Variants in MYLK observed in about 807,000 individuals in gnomAD.
MYLK encodes myosin light chain kinase, smooth muscle.
Under a neutral mutation model 203.4 loss-of-function variants are expected in MYLK, and 106 were observed. The observed-to-expected ratio is 0.52, with a 90% CI of 0.45 to 0.61. The LOEUF is 0.61. MYLK is among the 20% of genes least tolerant of loss of function. The probability of loss-of-function intolerance (pLI) is 0.00; values close to 1 mark genes in which losing one functional copy is unlikely to be tolerated. For missense variants in MYLK, 2,072 were observed against 2,442.3 expected, an observed-to-expected ratio of 0.85 and a Z score of 3.20; for synonymous variants, 867 against 959.5, an observed-to-expected ratio of 0.90 and a Z score of 1.78.
At chr3:123,820,630 C>CCTTCCTTCCTTT (rs2065894773) in intron 3 of MYLK, among the ~76,000 whole-genome samples, 1 of 141,240 alleles carries the variant, frequency 7.1e-6, no homozygotes, top group Non-Finnish European at 1.6e-5. Flanking sequence ...TTCCTTCCTT[C>CCTTCCTTCCTTT]CTTCCTTCCT....
chr3:123,782,969 G>C (rs1193478580), intron 4 of MYLK, among the ~76,000 whole-genome samples: 2 of 152,172 alleles, frequency 1.3e-5, no homozygotes, highest in Non-Finnish European at 2.9e-5. Context: ...CACAGTGTTT[G>C]TTCTACTTTT....
At chr3:123,728,126 C>T (rs183003789) in intron 11 of MYLK, among the ~76,000 whole-genome samples, 92 of 152,302 alleles carry the variant, frequency 6.0e-4, no homozygotes, top group African/African-American at 2.2e-3. Flanking sequence ...AACAACAATA[C>T]TGGCAAAAAG....
intron 2 of MYLK, among the ~76,000 whole-genome samples, chr3:123,839,048 T>TGTG (rs2066533730): frequency 1.3e-5 from 2 of 152,086 alleles, no homozygotes; most frequent in Non-Finnish European, 2.9e-5. Context: ...TGAGCAAGAC[T>TGTG]GTGCCACTGC....
chr3:123,634,578 C>T (rs531054501), intron 29 of MYLK, among the ~76,000 whole-genome samples: 11 of 152,216 alleles, frequency 7.2e-5, no homozygotes, highest in Non-Finnish European at 1.5e-4. Context: ...AACAAACAAG[C>T]ATGAATGGGA....
chr3:123,647,503 G>T, intron 26 of MYLK, 76 bp from the exon 27 acceptor site: 1 of 1,305,414 alleles, frequency 7.7e-7, no homozygotes, highest in Non-Finnish European at 1.1e-6. Context: ...GCAAATTATG[G>T]CCCATGGGAC....
In MYLK at chr3:123,708,819, C is replaced by G; in HGVS notation, c.2019G>C (p.Gln673His). ...TACAAAGGCTGTGCTGAGTTCCTCT[C>G]TGTTCAAAGTGGAAGTCCTCTGACT... Reference protein sequence around the residue: ...IQESEDFHFEQRGTQHSLCIQ... With the variant: ...IQESEDFHFEHRGTQHSLCIQ... The change falls in exon 15 of 34, where the codon CAG (glutamine) becomes CAC (histidine). Residue 673 changes from glutamine (Q) to histidine (H), a missense_variant. Around this residue, in one of 3 missense-constraint regions of MYLK, gnomAD observed 865 missense variants for 1,016.0 expected, o/e 0.85. Coordinates refer to ENST00000360304, the MANE Select transcript of MYLK (RefSeq NM_053025.4). The G allele has an allele frequency of 6.2e-7, 1 of 1,614,212 alleles. No individual in the cohort carries two copies. The highest frequency in any genetic ancestry group is 1.1e-5 in the South Asian group (1 of 91,082).
At chr3:123,660,294 G>A (rs1264184900) in intron 23 of MYLK, among the ~76,000 whole-genome samples, 2 of 152,224 alleles carry the variant, frequency 1.3e-5, no homozygotes, top group Non-Finnish European at 2.9e-5. Flanking sequence ...CCTGAGCTGA[G>A]CATTAAGATG....
chr3:123,768,209 C>T (rs1347232722), intron 4 of MYLK, among the ~76,000 whole-genome samples: 2 of 152,234 alleles, frequency 1.3e-5, no homozygotes, highest in Non-Finnish European at 2.9e-5. Flanking sequence ...TATTCCAAAG[C>T]CGTTTTCTGT....
intron 16 of MYLK, among the ~76,000 whole-genome samples, 176 bp downstream of exon 16, chr3:123,707,578 T>C (rs2061510175): frequency 6.6e-6 from 1 of 152,222 alleles, no homozygotes; most frequent in South Asian, 2.1e-4. Context: ...GAACATTTGC[T>C]ATACTGAAGT....
chr3:123,723,564 G>C (rs1239087196), intron 12 of MYLK, among the ~76,000 whole-genome samples: 1 of 152,218 alleles, frequency 6.6e-6, no homozygotes, highest in East Asian at 1.9e-4. Flanking sequence ...CCTTTTGAGA[G>C]CTCTCCTTTA....
intron 18 of MYLK, chr3:123,698,713 A>G (rs1383115911): frequency 5.6e-6 from 1 of 178,876 alleles, no homozygotes; most frequent in African/African-American, 2.4e-5. Flanking sequence ...TCTCTCTGCC[A>G]GCCAGTGTCC....
Position 123,732,976 on chromosome 3 carries a change from GTC to G in MYLK, c.1434_1435del (p.Thr479GlnfsTer20). 3 of 1,614,180 alleles carry G rather than the reference GTC, an allele frequency of 1.9e-6. No individual in the cohort carries two copies. Among genetic ancestry groups the G allele is most frequent in the African/African-American group, 1.3e-5 (1 of 75,042 alleles). On this transcript the variant is annotated frameshift_variant, in exon 11 of 34. Transcript: ENST00000360304. LOFTEE classifies it high-confidence loss of function. ...GCAGCTGTATGTCCCACTGTCCCTGGTCCGGGCTTTCAGCAGGCAGAGGTAAT... is the reference window on the plus strand; with the variant it reads ...GCAGCTGTATGTCCCACTGTCCCTGGCGGGCTTTCAGCAGGCAGAGGTAAT...
At chr3:123,879,381 C>T (rs530919758) in intron 1 of MYLK, among the ~76,000 whole-genome samples, 2 of 152,226 alleles carry the variant, frequency 1.3e-5, no homozygotes, top group East Asian at 3.9e-4. Context: ...AAGGAGCTAA[C>T]AGCCTTCAGA....
intron 4 of MYLK, among the ~76,000 whole-genome samples, chr3:123,778,719 C>T (rs901348093): frequency 7.2e-5 from 11 of 152,192 alleles, no homozygotes; most frequent in African/African-American, 2.7e-4. Flanking sequence ...CTGAAACCTG[C>T]AGGTGTGACC....
chr3:123,877,795 C>G (rs1362895984), intron 1 of MYLK, among the ~76,000 whole-genome samples: 1 of 152,142 alleles, frequency 6.6e-6, no homozygotes, highest in Non-Finnish European at 1.5e-5. Context: ...CCTGTTGACA[C>G]TAATAGGAAA....
intron 3 of MYLK, among the ~76,000 whole-genome samples, chr3:123,806,736 C>A (rs1220168061): frequency 6.6e-6 from 1 of 152,094 alleles, no homozygotes; most frequent in African/African-American, 2.4e-5. Context: ...GATCTCGGCT[C>A]AATGCAACCT....
At chr3:123,742,616 A>T (rs1401787356) in intron 5 of MYLK, among the ~76,000 whole-genome samples, 1 of 152,226 alleles carries the variant, frequency 6.6e-6, no homozygotes, top group African/African-American at 2.4e-5. Context: ...CAACAGCATT[A>T]TCCAGTCTCT....
chr3:123,765,893 T>A (rs775082271), intron 4 of MYLK, among the ~76,000 whole-genome samples: 1 of 152,134 alleles, frequency 6.6e-6, no homozygotes, highest in Non-Finnish European at 1.5e-5. Flanking sequence ...GAAAGTAGAA[T>A]GGTGGTTGCC....
intron 2 of MYLK, among the ~76,000 whole-genome samples, chr3:123,832,819 A>T (rs1369104608): frequency 6.6e-6 from 1 of 152,184 alleles, no homozygotes; most frequent in African/African-American, 2.4e-5. Context: ...AGGAAAAAAA[A>T]TTCTACTATT....
Sources: gnomAD v4.1 joint callset for allele counts (sites outside exome capture counted in the v4.1 genomes callset) on GRCh38, gnomAD v4.1.1 for gene constraint, gnomAD v4.1.1 regional missense constraint, MANE v1.5 for transcripts, NCBI Gene and HGNC (gene_info 2026-07-23, HGNC 2026-07-21) for gene names.